The following MSRA variants were observed in gnomAD, a reference collection of about 807,000 sequenced individuals.
MSRA encodes methionine sulfoxide reductase A.
MSRA carries 54 observed loss-of-function variants against 31.3 expected under a neutral mutation model. The observed-to-expected ratio is 1.73, with a 90% CI of 1.39 to 2.17. The LOEUF (loss-of-function observed/expected upper bound fraction) is 2.17, where lower values mean the gene tolerates loss of function less well. Ranked by LOEUF, MSRA falls within the 30% of genes most tolerant of loss-of-function variation. The pLI, the probability that MSRA is intolerant of heterozygous loss-of-function variation, is 0.00. For missense variants in MSRA, 507 were observed against 300.9 expected (o/e 1.69, Z -5.07); for synonymous variants, 169 against 116.5 (o/e 1.45, Z -2.90).
At chr8:10,300,568 C>T (rs1038579022) in intron 3 of MSRA, among the ~76,000 whole-genome samples, 3 of 151,922 alleles carry the variant, frequency 2.0e-5, no homozygotes, top group Admixed American at 6.6e-5. Context: ...TTTTTTTGTT[C>T]AGTAGAGATG....
At chr8:10,107,451 G>T (rs1032214098) in intron 1 of MSRA, among the ~76,000 whole-genome samples, 4 of 152,106 alleles carry the variant, frequency 2.6e-5, no homozygotes, top group Non-Finnish European at 5.9e-5. Flanking sequence ...CTCGTACTCA[G>T]TGCCTAGCAA....
intron 5 of MSRA, among the ~76,000 whole-genome samples, chr8:10,379,085 A>T (rs929948014): frequency 5.3e-5 from 8 of 151,928 alleles, no homozygotes; most frequent in Non-Finnish European, 8.8e-5. Flanking sequence ...CATAACCTTC[A>T]TATTTGTCAT....
intron 1 of MSRA, among the ~76,000 whole-genome samples, chr8:10,148,550 G>A (rs1332067902): frequency 6.6e-6 from 1 of 151,864 alleles, no homozygotes; most frequent in Non-Finnish European, 1.5e-5. Context: ...GGGAGTCTGA[G>A]GCAGGAGAAT....
intron 1 of MSRA, among the ~76,000 whole-genome samples, chr8:10,130,531 T>G (rs561491574): frequency 8.5e-5 from 13 of 152,318 alleles, no homozygotes; most frequent in African/African-American, 3.1e-4. Flanking sequence ...CGACATTCTT[T>G]CACTGGGAAG....
At chr8:10,426,249 C>G (rs1809154665) in intron 5 of MSRA, among the ~76,000 whole-genome samples, 2 of 152,174 alleles carry the variant, frequency 1.3e-5, no homozygotes, top group South Asian at 2.1e-4. Flanking sequence ...GCTGTGTGAG[C>G]TGGGGCCCGG....
rs559981578 is a variant in MSRA, at chr8:10,403,990, G to A, written c.544-24158G>A. On this transcript the variant is annotated intron_variant, in intron 5 of 5. Transcript: ENST00000317173. ...GATGACAATGACGTAATTAAAATGT[G>A]TTGGGCGGGGGACTGTTGCTCACTG... 3.3e-5 allele frequency among the ~76,000 whole-genome samples: 5 copies of A among 152,330 alleles called. No homozygotes were observed. In the South Asian group the frequency reaches 1.0e-3, roughly 32 times the overall value.
At chr8:10,172,967 G>T (rs1805726270) in intron 1 of MSRA, among the ~76,000 whole-genome samples, 2 of 152,240 alleles carry the variant, frequency 1.3e-5, no homozygotes, top group South Asian at 4.1e-4. Context: ...CCATGACACA[G>T]ATTGGAGCAA....
chr8:10,392,620 G>T (rs1371692674), intron 5 of MSRA, among the ~76,000 whole-genome samples: 1 of 151,550 alleles, frequency 6.6e-6, no homozygotes, highest in Non-Finnish European at 1.5e-5. Flanking sequence ...TGGTAAGGAT[G>T]TCTTTATGAA....
chr8:10,150,223 A>G (rs965907377), intron 1 of MSRA, among the ~76,000 whole-genome samples: 2 of 152,004 alleles, frequency 1.3e-5, no homozygotes, highest in African/African-American at 4.8e-5. Context: ...GGCTCTTTTC[A>G]AATTGAAGGA....
chr8:10,069,932 C>T (rs1308187107), intron 1 of MSRA, among the ~76,000 whole-genome samples: 1 of 152,208 alleles, frequency 6.6e-6, no homozygotes, highest in Non-Finnish European at 1.5e-5. Context: ...GACAAAACCA[C>T]ACCCTCTTTA....
Position 10,155,572 on chromosome 8 carries a change from A to G in MSRA, c.143-52261A>G, listed in dbSNP as rs1243583945. Among the ~76,000 whole-genome samples, 7 of 152,152 alleles carry G rather than the reference A, an allele frequency of 4.6e-5. No homozygotes were observed. The East Asian group carries it at 7.7e-4, about 17-fold the overall frequency. Reference sequence around the variant, plus strand: ...TCTTCGTTTCTGAATTTCTCTTTCCACTAGAAGAAACCATGAGAGAAATGG... The same window carrying G: ...TCTTCGTTTCTGAATTTCTCTTTCCGCTAGAAGAAACCATGAGAGAAATGG... On this transcript the variant is annotated intron_variant, in intron 1 of 5. Coordinates refer to ENST00000317173, the MANE Select transcript of MSRA (RefSeq NM_012331.5).
intron 1 of MSRA, among the ~76,000 whole-genome samples, chr8:10,068,023 A>G (rs1367910090): frequency 1.3e-5 from 2 of 151,720 alleles, no homozygotes; most frequent in East Asian, 3.9e-4. Flanking sequence ...AGCTGGGACT[A>G]CAGGCATGTG....
intron 1 of MSRA, among the ~76,000 whole-genome samples, chr8:10,075,453 C>A (rs1205479264): frequency 6.6e-6 from 1 of 152,072 alleles, no homozygotes; most frequent in Admixed American, 6.5e-5. Context: ...GCTGACTTTC[C>A]AAGCAGTTAT....
At chr8:10,272,887 A>C (rs1021611043) in intron 3 of MSRA, among the ~76,000 whole-genome samples, 3 of 152,074 alleles carry the variant, frequency 2.0e-5, no homozygotes, top group Non-Finnish European at 2.9e-5. Context: ...TGAATGGATG[A>C]ATAACAGCAT....
At chr8:10,385,274 A>T (rs1481361741) in intron 5 of MSRA, among the ~76,000 whole-genome samples, 1 of 152,194 alleles carries the variant, frequency 6.6e-6, no homozygotes, top group African/African-American at 2.4e-5. Flanking sequence ...ACTCAATTCG[A>T]TACTGAAGTT....
At chr8:10,352,492 G>T (rs921748647) in intron 5 of MSRA, among the ~76,000 whole-genome samples, 1 of 152,034 alleles carries the variant, frequency 6.6e-6, no homozygotes, top group Non-Finnish European at 1.5e-5. Context: ...CAGCATATCG[G>T]GTGTTACTTT....
At chr8:10,410,672 A>G (rs1373564698) in intron 5 of MSRA, among the ~76,000 whole-genome samples, 2 of 152,002 alleles carry the variant, frequency 1.3e-5, no homozygotes, top group African/African-American at 2.4e-5. Context: ...CTTGTCCCCA[A>G]CCTCTATGCA....
intron 1 of MSRA, among the ~76,000 whole-genome samples, chr8:10,154,046 A>G (rs970965643): frequency 6.6e-6 from 1 of 152,212 alleles, no homozygotes; most frequent in Non-Finnish European, 1.5e-5. Context: ...AGGAATCTGT[A>G]CCATCATAGA....
At chr8:10,269,929 G>A (rs564464985) in intron 3 of MSRA, among the ~76,000 whole-genome samples, 2 of 152,144 alleles carry the variant, frequency 1.3e-5, no homozygotes, top group South Asian at 4.2e-4. Context: ...GGGATTACAG[G>A]CGTGAGCCAT....
Sources: gnomAD v4.1 joint callset for allele counts (sites outside exome capture counted in the v4.1 genomes callset) on GRCh38, gnomAD v4.1.1 for gene constraint, MANE v1.5 for transcripts, NCBI Gene and HGNC (gene_info 2026-07-23, HGNC 2026-07-21) for gene names.